The following ANKRD44 variants were observed in gnomAD, a reference collection of about 807,000 sequenced individuals.
ANKRD44 encodes the protein serine/threonine-protein phosphatase 6 regulatory ankyrin repeat subunit B.
Under a neutral mutation model 116.0 loss-of-function variants are expected in ANKRD44, and 35 were observed. The observed-to-expected ratio is 0.30, with a 90% CI of 0.23 to 0.40. ANKRD44 has a LOEUF of 0.40. Ranked by LOEUF, ANKRD44 falls within the 10% of genes least tolerant of loss-of-function variation. ANKRD44 has a pLI of 1.00. For synonymous variants in ANKRD44, 435 were observed against 461.8 expected, an observed-to-expected ratio of 0.94 and a Z score of 0.74; for missense variants, 1,014 against 1,242.6, an observed-to-expected ratio of 0.82 and a Z score of 2.77.
chr2:197,133,181 G>A (rs2079132441), intron 4 of ANKRD44, among the ~76,000 whole-genome samples: 1 of 152,200 alleles, frequency 6.6e-6, no homozygotes, highest in Non-Finnish European at 1.5e-5. Flanking sequence ...AGATCCTGCT[G>A]CATCTCCTTC....
intron 11 of ANKRD44, 77 bp from the exon 12 acceptor site, chr2:197,088,851 T>C: frequency 6.8e-7 from 1 of 1,469,252 alleles, no homozygotes; most frequent in Non-Finnish European, 9.2e-7. Flanking sequence ...CAAGAAACAT[T>C]GCAGAGACAG....
chr2:197,170,908 G>A (rs2080218889), intron 2 of ANKRD44, among the ~76,000 whole-genome samples: 1 of 152,178 alleles, frequency 6.6e-6, no homozygotes, highest in Non-Finnish European at 1.5e-5. Flanking sequence ...GGGGGTGGTG[G>A]AGATTCCCTG....
chr2:197,151,418 A>G (rs1228243306), intron 2 of ANKRD44, among the ~76,000 whole-genome samples: 1 of 152,250 alleles, frequency 6.6e-6, no homozygotes, highest in Non-Finnish European at 1.5e-5. Flanking sequence ...GACAAAGCAT[A>G]AGGGGGAACA....
intron 16 of ANKRD44, among the ~76,000 whole-genome samples, chr2:197,033,286 G>GTGA (rs1352351743): frequency 1.3e-5 from 2 of 152,210 alleles, no homozygotes; most frequent in African/African-American, 4.8e-5. Flanking sequence ...GAGTGAAATG[G>GTGA]TGATGATGAT....
chr2:197,256,125 T>C (rs1574375240), intron 1 of ANKRD44, among the ~76,000 whole-genome samples: 1 of 152,208 alleles, frequency 6.6e-6, no homozygotes, highest in African/African-American at 2.4e-5. Context: ...TATAGTATCA[T>C]TGGATTCAAA....
At chr2:197,228,945 G>C (rs936759459) in intron 1 of ANKRD44, among the ~76,000 whole-genome samples, 1 of 152,220 alleles carries the variant, frequency 6.6e-6, no homozygotes, top group Non-Finnish European at 1.5e-5. Flanking sequence ...TGAGGCAGCA[G>C]AATCACTTGA....
rs187196902 is a variant in ANKRD44 at position 196,990,247 on chromosome 2, A to T, written c.2924-598T>A. On this transcript the variant is annotated intron_variant, in intron 27 of 27. Coordinates refer to ENST00000282272, the MANE Select transcript of ANKRD44 (RefSeq NM_001195144.2). ...GGAAGTAAACATCAAAGTGAGAAGA[A>T]GTTTGAGGCATTTCCTATCTGCCTC... 5.1e-6 allele frequency: 5 copies of T among 986,894 alleles called. No individual in the cohort carries two copies. The African/African-American group carries it at 7.0e-5, about 14-fold the overall frequency. The allele number at this position is 986,894 out of a possible 1,614,324, so 61.1% of individuals were successfully genotyped here.
rs566436345 is a variant in ANKRD44, at chr2:197,071,647, G to C, written c.1650+7056C>G. On this transcript the variant is annotated intron_variant, in intron 16 of 27. Transcript: ENST00000282272. The stretch of plus-strand genomic sequence containing the variant: ...TCTTTGTGAATGTTCATGGGCACTT[G>C]AACTAAATATGTATTCTCATGTTGC... 3.1e-4 allele frequency among the ~76,000 whole-genome samples: 47 copies of C among 152,224 alleles called. No homozygotes were observed. The South Asian group carries it at 8.9e-3, about 29-fold the overall frequency.
At chr2:197,078,646 G>C in intron 16 of ANKRD44, 57 bp downstream of exon 16, 1 of 1,592,156 alleles carries the variant, frequency 6.3e-7, no homozygotes, top group Non-Finnish European at 8.6e-7. Context: ...TAATGCCTCT[G>C]TGATTTGGGG....
chr2:197,029,373 A>G (rs1311399801), intron 16 of ANKRD44: 2 of 272,890 alleles, frequency 7.3e-6, no homozygotes, highest in Non-Finnish European at 1.4e-5. Flanking sequence ...CTCTGCAATG[A>G]ATCTGCTTGC....
chr2:197,063,353 A>G (rs1025771295), intron 16 of ANKRD44, among the ~76,000 whole-genome samples: 6 of 152,218 alleles, frequency 3.9e-5, no homozygotes, highest in South Asian at 2.1e-4. Flanking sequence ...AAGATGGGGA[A>G]AAAACAGAGC....
At chr2:196,967,647 T>C (rs549683245) in intron 21 of ANKRD44, among the ~76,000 whole-genome samples, 1 of 152,216 alleles carries the variant, frequency 6.6e-6, no homozygotes, top group Non-Finnish European at 1.5e-5. Context: ...AAACTAACTA[T>C]ACAAATAATC....
intron 21 of ANKRD44, among the ~76,000 whole-genome samples, chr2:196,973,707 G>T (rs2075731323): frequency 6.6e-6 from 1 of 152,066 alleles, no homozygotes; most frequent in Non-Finnish European, 1.5e-5. Context: ...ATTCACAAAT[G>T]GCAGCAAACT....
intron 1 of ANKRD44, among the ~76,000 whole-genome samples, chr2:197,262,400 T>C (rs1343256326): frequency 1.3e-5 from 2 of 152,228 alleles, no homozygotes; most frequent in Admixed American, 1.3e-4. Flanking sequence ...GAACTCTATT[T>C]ACTGGCCACT....
intron 1 of ANKRD44, among the ~76,000 whole-genome samples, chr2:197,264,951 T>C (rs753704358): frequency 4.6e-5 from 7 of 152,230 alleles, no homozygotes; most frequent in Non-Finnish European, 1.0e-4. Flanking sequence ...AATTTTTTAA[T>C]GGTCATTGCC....
intron 11 of ANKRD44, among the ~76,000 whole-genome samples, chr2:197,089,376 T>C (rs1329918334): frequency 1.3e-5 from 2 of 152,202 alleles, no homozygotes; most frequent in Non-Finnish European, 2.9e-5. Flanking sequence ...AATTTCTTAA[T>C]ATATGACAGT....
In ANKRD44 at chr2:196,989,033, C is replaced by T. The variant is rs2075873172; in HGVS notation, c.*558G>A. ...TAGAAGATGCGTAGCCCTCTCTAAC[C>T]AACGCGGAAGAACCTGAGGGTCATC... On this transcript the variant is annotated 3_prime_UTR_variant, in exon 28 of 28. Transcript: ENST00000282272. 1.0e-6 allele frequency: 1 copy of T among 985,286 alleles called. No individual in the cohort carries two copies. Among genetic ancestry groups the T allele is most frequent in the South Asian group, 4.7e-5 (1 of 21,286 alleles). The allele number at this position is 985,286 out of a possible 1,614,324, so 61.0% of individuals were successfully genotyped here.
Position 197,122,647 on chromosome 2 carries a change from C to T in ANKRD44, c.693+3G>A. ...ATGCATTGATGCATTCATCATAGCTCACCTCCACCCCCAGGTTCAGGAGAT... is the reference window on the plus strand; with the variant it reads ...ATGCATTGATGCATTCATCATAGCTTACCTCCACCCCCAGGTTCAGGAGAT... On this transcript the variant is annotated splice_donor_region_variant and intron_variant, in intron 7 of 27. Coordinates refer to ENST00000282272, the MANE Select transcript of ANKRD44 (RefSeq NM_001195144.2). 1.2e-6 allele frequency: 2 copies of T among 1,613,092 alleles called. No individual in the cohort carries two copies. Among genetic ancestry groups the T allele is most frequent in the Admixed American group, 1.7e-5 (1 of 59,780 alleles).
Position 197,125,990 on chromosome 2 carries a change from C to T in ANKRD44, c.309G>A (p.Arg103=). 6.2e-7 allele frequency: 1 copy of T among 1,614,212 alleles called. No individual in the cohort carries two copies. Among genetic ancestry groups the T allele is most frequent in the South Asian group, 1.1e-5 (1 of 91,082 alleles). The change falls in exon 5 of 28, where the codon AGG becomes AGA. Residue 103 remains arginine (R), a synonymous_variant. Transcript: ENST00000282272. ...GAAGAGGGGTCTGCCAGTTCTTGTC[C>T]CTTGCATTGACATCAGCTGAGTGCT... ...LIKHSADVNA[R]DKNWQTPLHV...
Sources: allele counts gnomAD v4.1 joint callset (sites outside exome capture counted in the v4.1 genomes callset), GRCh38; gene constraint gnomAD v4.1.1; transcripts MANE v1.5; gene names NCBI Gene and HGNC (gene_info 2026-07-23, HGNC 2026-07-21).